The following UTP18 variants were observed in gnomAD, a reference collection of about 807,000 sequenced individuals.
UTP18 encodes U3 small nucleolar RNA-associated protein 18 homolog.
In UTP18, 36 loss-of-function variants were observed where a neutral mutation model predicts 61.1. That is an observed-to-expected ratio of 0.59 (90% confidence interval 0.45 to 0.78). UTP18 has a LOEUF of 0.78. UTP18 is among the 30% of genes least tolerant of loss of function. The pLI, the probability that UTP18 is intolerant of heterozygous loss-of-function variation, is 0.00. For synonymous variants in UTP18, 282 were observed against 251.1 expected (o/e 1.12, Z -1.16); for missense variants, 753 against 693.9 (o/e 1.09, Z -0.96).
intron 10 of UTP18, among the ~76,000 whole-genome samples, chr17:51,287,710 A>G (rs777765512): frequency 7.2e-5 from 11 of 152,168 alleles, no homozygotes; most frequent in Non-Finnish European, 1.3e-4. Context: ...TGAATGAGAC[A>G]CTAGAAGTAG....
intron 4 of UTP18, among the ~76,000 whole-genome samples, chr17:51,270,778 T>C (rs1904502774): frequency 6.6e-6 from 1 of 152,160 alleles, no homozygotes; most frequent in South Asian, 2.1e-4. Flanking sequence ...CCACACTAGC[T>C]GAGAGGATCC....
At chr17:51,281,163 T>TG (rs1567703589) in intron 9 of UTP18, among the ~76,000 whole-genome samples, 1 of 80,622 alleles carries the variant, frequency 1.2e-5, no homozygotes, top group African/African-American at 5.1e-5. Flanking sequence ...TATATATATA[T>TG]ATTTTTTTTA....
At chr17:51,286,736 G>C (rs1187533133) in intron 10 of UTP18, among the ~76,000 whole-genome samples, 1 of 152,194 alleles carries the variant, frequency 6.6e-6, no homozygotes, top group Non-Finnish European at 1.5e-5. Flanking sequence ...GGTAGTGTGC[G>C]CTATGGCAGC....
rs914499406 is a variant in UTP18, at chr17:51,294,019, T to C, written c.1620T>C (p.Asn540=). The change falls in exon 12 of 14, where the codon AAT becomes AAC. Residue 540 remains asparagine, a synonymous_variant. Transcript: ENST00000225298. ...SPRSGYFALG[N]EKGKALMYRL... is the part of the protein sequence containing the mutation. ...GAAGTGGATACTTTGCCTTGGGGAATGAAAAGGGCAAGGCCCTGATGTATA... is the reference window on the plus strand; with the variant it reads ...GAAGTGGATACTTTGCCTTGGGGAACGAAAAGGGCAAGGCCCTGATGTATA... The C allele has an allele frequency of 2.7e-5, 44 of 1,609,276 alleles. No homozygotes were observed. The highest frequency in any genetic ancestry group is 4.0e-5 in the African/African-American group (3 of 74,680).
In UTP18 at chr17:51,265,600, T is replaced by G. The variant is rs576589417; in HGVS notation, c.456-582T>G. On this transcript the variant is annotated intron_variant, in intron 2 of 13. Transcript: ENST00000225298. The stretch of plus-strand genomic sequence containing the variant: ...TTTTTTTTTGAGACAGTCTCACTCT[T>G]TTGCCCAGGCTGGAGTACAGTGCCA... Among the ~76,000 whole-genome samples the G allele has an allele frequency of 3.4e-3, 432 of 125,222 alleles. 5 individuals carry two copies. The highest frequency in any genetic ancestry group is 0.012 in the African/African-American group (397 of 32,274). The allele number at this position is 125,222 out of a possible 152,430, so 82.2% of individuals were successfully genotyped here.
chr17:51,281,913 T>G (rs766442657), intron 9 of UTP18, among the ~76,000 whole-genome samples: 16 of 152,260 alleles, frequency 1.1e-4, no homozygotes, highest in Admixed American at 1.3e-4. Context: ...CTTAAAATCA[T>G]CAGCCCTTGT....
In UTP18 at chr17:51,260,690, G is replaced by A. The variant is rs1397658099; in HGVS notation, c.106G>A (p.Gly36Ser). 1.2e-6 allele frequency: 2 copies of A among 1,607,640 alleles called. No homozygotes were observed. The highest frequency in any genetic ancestry group is 1.3e-5 in the African/African-American group (1 of 74,858). Residue 36 changes from glycine to serine, a missense_variant, in exon 1 of 14, where the codon GGC becomes AGC. Transcript: ENST00000225298. Reference protein sequence around the residue: ...RPDWKAGAGPGGPPQKPAPSS... With the variant: ...RPDWKAGAGPSGPPQKPAPSS... ...GGACTGGAAAGCCGGAGCGGGGCCAGGCGGGCCTCCCCAAAAGCCTGCCCC... is the reference window on the plus strand; with the variant it reads ...GGACTGGAAAGCCGGAGCGGGGCCAAGCGGGCCTCCCCAAAAGCCTGCCCC...
Position 51,260,941 on chromosome 17 carries a change from G to C in UTP18, c.342+15G>C, listed in dbSNP as rs927761223. On this transcript the variant is annotated intron_variant, in intron 1 of 13. Coordinates refer to ENST00000225298, the MANE Select transcript of UTP18 (RefSeq NM_016001.3). ...GAGGCCCGAGGGTGAGGGAGGCCGC[G>C]GCGCGCGGGCTGGGCGCACTCGGGC... is the stretch of plus-strand genomic sequence containing the variant. 1.3e-6 allele frequency: 2 copies of C among 1,525,934 alleles called. No individual in the cohort carries two copies. The highest frequency in any genetic ancestry group is 1.8e-6 in the Non-Finnish European group (2 of 1,140,056). 94.5% of individuals were successfully genotyped at this position (1,525,934 alleles called of 1,614,324 possible).
At chr17:51,273,233 A>C in intron 4 of UTP18, 129 bp from the exon 5 acceptor site, 1 of 560,762 alleles carries the variant, frequency 1.8e-6, no homozygotes, top group Non-Finnish European at 2.8e-6. Context: ...GCAGCTTTAA[A>C]AAAAGCAATT....
chr17:51,266,260 T>C lies in UTP18; in HGVS notation c.534T>C (p.Leu178=), dbSNP rs2055559934. The change falls in exon 3 of 14, where the codon CTT becomes CTC. Residue 178 remains leucine (L), a synonymous_variant. Coordinates refer to ENST00000225298, the MANE Select transcript of UTP18 (RefSeq NM_016001.3). ...ASESKLSKDN[L]KKRLKEEFQH... is the part of the protein sequence containing the mutation. ...AAAGTAAACTTTCGAAAGACAACCT[T>C]AAAAAGAGACTTAAAGAAGAGTAAG... 1 of 1,599,238 alleles carries C rather than the reference T, an allele frequency of 6.3e-7. No homozygotes were observed. The highest frequency in any genetic ancestry group is 1.8e-5 in the Admixed American group (1 of 56,182).
At chr17:51,295,471 T>G (rs1339424007) in intron 12 of UTP18, among the ~76,000 whole-genome samples, 2 of 152,198 alleles carry the variant, frequency 1.3e-5, no homozygotes, top group Admixed American at 1.3e-4. Flanking sequence ...TTTCCCCATT[T>G]TTTGTTTTTG....
intron 13 of UTP18, 44 bp downstream of exon 13, chr17:51,297,047 C>T (rs879610901): frequency 8.5e-6 from 13 of 1,523,172 alleles, no homozygotes; most frequent in African/African-American, 8.4e-5. Flanking sequence ...TTTTAAGATA[C>T]ACCCATTGCT....
chr17:51,269,354 G>C (rs565096196), intron 4 of UTP18, among the ~76,000 whole-genome samples: 1 of 145,712 alleles, frequency 6.9e-6, no homozygotes, highest in Non-Finnish European at 1.5e-5. Context: ...TTGACTGTAG[G>C]TTTTAAATTT....
At chr17:51,284,333 T>G (rs1905039841) in intron 9 of UTP18, among the ~76,000 whole-genome samples, 1 of 152,128 alleles carries the variant, frequency 6.6e-6, no homozygotes, top group Non-Finnish European at 1.5e-5. Flanking sequence ...GAGATGGATG[T>G]AGGGTCATTA....
At position 51,275,145 on chromosome 17, in the gene UTP18, C is replaced by T. The variant is rs566862572; in HGVS notation, c.712-721C>T. ...CCAACAGGCAGAGGTTGTGGTGAGT[C>T]GAGATTACGCCATTGCCCTCCAGCC... On this transcript the variant is annotated intron_variant, in intron 5 of 13. Transcript: ENST00000225298. Among the ~76,000 whole-genome samples, 14 of 148,204 alleles carry T rather than the reference C, an allele frequency of 9.4e-5. No homozygotes were observed. In the South Asian group the frequency reaches 3.0e-3, roughly 32 times the overall value.
chr17:51,281,646 G>T (rs1487705370), intron 9 of UTP18, among the ~76,000 whole-genome samples: 2 of 152,144 alleles, frequency 1.3e-5, no homozygotes, highest in Non-Finnish European at 2.9e-5. Flanking sequence ...GTGATGGGAA[G>T]TTTTGTGTCT....
intron 4 of UTP18, among the ~76,000 whole-genome samples, chr17:51,270,917 TAGTG>T (rs1469395993): frequency 6.6e-6 from 1 of 152,162 alleles, no homozygotes; most frequent in Non-Finnish European, 1.5e-5. Context: ...TTCAAAGAGA[TAGTG>T]ACTTGTTGAA....
At chr17:51,295,460 C>G (rs1403966458) in intron 12 of UTP18, among the ~76,000 whole-genome samples, 1 of 152,152 alleles carries the variant, frequency 6.6e-6, no homozygotes, top group Non-Finnish European at 1.5e-5. Flanking sequence ...ATAGGCAATC[C>G]TTTCCCCATT....
chr17:51,268,516 C>T (rs1239810410), intron 3 of UTP18, among the ~76,000 whole-genome samples: 2 of 152,326 alleles, frequency 1.3e-5, no homozygotes, highest in East Asian at 1.9e-4. Context: ...AAAGAGACTT[C>T]TTTACATAGT....
Sources: gnomAD v4.1 joint callset for allele counts (sites outside exome capture counted in the v4.1 genomes callset) on GRCh38, gnomAD v4.1.1 for gene constraint, MANE v1.5 for transcripts, NCBI Gene and HGNC (gene_info 2026-07-23, HGNC 2026-07-21) for gene names.